Variants in UBE3B observed in about 807,000 individuals in gnomAD.
The protein encoded by UBE3B is ubiquitin-protein ligase E3B.
UBE3B carries 80 observed loss-of-function variants against 132.3 expected under a neutral mutation model. The observed-to-expected ratio is 0.60, with a 90% confidence interval of 0.50 to 0.73. The LOEUF is 0.73. UBE3B is among the 30% of genes least tolerant of loss of function. The probability of loss-of-function intolerance (pLI) is 0.00; values close to 1 mark genes in which losing one functional copy is unlikely to be tolerated. For missense variants in UBE3B, 1,196 were observed against 1,362.5 expected, an observed-to-expected ratio of 0.88 and a Z score of 1.92; for synonymous variants, 487 against 520.4, an observed-to-expected ratio of 0.94 and a Z score of 0.87.
chr12:109,547,032 G>A, the UBE3B span, among the ~76,000 whole-genome samples: 1 of 152,162 alleles, frequency 6.6e-6, no homozygotes, highest in Non-Finnish European at 1.5e-5. The surrounding 1 kb of genome is among the most constrained non-coding windows in gnomAD (Gnocchi z 4.1). Context: ...TTTTGAGAGA[G>A]ACAGACACCA....
At chr12:109,499,503 A>C in intron 11 of UBE3B, 130 bp from the exon 12 acceptor site, 1 of 889,080 alleles carries the variant, frequency 1.1e-6, no homozygotes, top group Non-Finnish European at 1.6e-6. Flanking sequence ...CGGCATTGAC[A>C]GGTGCCCCTT....
chr12:109,484,116 T>G (rs557130006), intron 4 of UBE3B, 135 bp downstream of exon 4: 783 of 969,578 alleles, frequency 8.1e-4, no homozygotes, highest in Non-Finnish European at 7.4e-4. Flanking sequence ...TTTTGTTTTC[T>G]TGGGACCTGT....
chr12:109,537,585 T>C (rs1303831767), downstream of UBE3B, among the ~76,000 whole-genome samples: 2 of 152,150 alleles, frequency 1.3e-5, no homozygotes, highest in Admixed American at 1.3e-4. Flanking sequence ...ACAAGGAGCG[T>C]TCATGTAACT....
At chr12:109,513,561 T>G (rs1880624721) in intron 18 of UBE3B, among the ~76,000 whole-genome samples, 1 of 152,214 alleles carries the variant, frequency 6.6e-6, no homozygotes. Flanking sequence ...TGCTAGGGAT[T>G]TCTTTTGGCC....
downstream of UBE3B, among the ~76,000 whole-genome samples, chr12:109,539,055 G>C (rs1034475049): frequency 5.9e-5 from 9 of 152,192 alleles, no homozygotes; most frequent in Admixed American, 5.9e-4. Flanking sequence ...GGCCAATACG[G>C]TGAAACCCTG....
chr12:109,517,102 C>T (rs1299840547), intron 19 of UBE3B, among the ~76,000 whole-genome samples: 4 of 152,286 alleles, frequency 2.6e-5, no homozygotes, highest in South Asian at 2.1e-4. Context: ...CAGTGTCTTC[C>T]TTTACCCCAT....
intron 2 of UBE3B, among the ~76,000 whole-genome samples, chr12:109,482,119 AAC>A (rs1177139063): frequency 1.3e-5 from 2 of 152,204 alleles, no homozygotes; most frequent in East Asian, 1.9e-4. Context: ...GCCTTTCAAT[AAC>A]ACGTAATTAA....
chr12:109,530,843 C>T (rs184768545), intron 26 of UBE3B, among the ~76,000 whole-genome samples, 185 bp downstream of exon 26: 122 of 152,332 alleles, frequency 8.0e-4, no homozygotes, highest in Middle Eastern at 3.4e-3. Flanking sequence ...TTGAGGGGCA[C>T]GGCCGAGCCT....
At chr12:109,503,662 A>G (rs1879287353) in intron 14 of UBE3B, among the ~76,000 whole-genome samples, 1 of 152,196 alleles carries the variant, frequency 6.6e-6, no homozygotes, top group Admixed American at 6.5e-5. Flanking sequence ...CCTTATCTTT[A>G]TTGGCTACAT....
intron 4 of UBE3B, among the ~76,000 whole-genome samples, chr12:109,485,656 G>A (rs1184848229): frequency 1.3e-5 from 2 of 152,210 alleles, no homozygotes; most frequent in African/African-American, 2.4e-5. Flanking sequence ...TTAAGAAAAG[G>A]TAAACTGGAG....
chr12:109,543,405 T>C, the UBE3B span, among the ~76,000 whole-genome samples: 12 of 152,128 alleles, frequency 7.9e-5, no homozygotes, highest in Non-Finnish European at 1.8e-4. Flanking sequence ...AGGACTCGGC[T>C]GAGGCCCTAA....
In UBE3B at chr12:109,532,296, T is replaced by C. The variant is rs141122285; in HGVS notation, c.2923-1170T>C. Among the ~76,000 whole-genome samples, 810 of 152,320 alleles carry C rather than the reference T, an allele frequency of 5.3e-3. 4 individuals carry two copies. Among genetic ancestry groups the C allele is most frequent in the African/African-American group, 0.018 (749 of 41,562 alleles). ...TGCATTCAGGGAATGCTCGTCACAG[T>C]GTGGAAACACAAAAATGCTTCCTGC... On this transcript the variant is annotated intron_variant, in intron 26 of 27. Coordinates refer to ENST00000342494, the MANE Select transcript of UBE3B (RefSeq NM_130466.4).
Position 109,486,577 on chromosome 12 carries a change from TAACAA to T in UBE3B, c.447+5_447+9del. The T allele has an allele frequency of 1.2e-4, 77 of 656,558 alleles. No individual in the cohort carries two copies. Among genetic ancestry groups the T allele is most frequent in the Middle Eastern group, 5.3e-4 (1 of 1,900 alleles). The allele number at this position is 656,558 out of a possible 1,614,324, so 40.7% of individuals were successfully genotyped here. The stretch of plus-strand genomic sequence containing the variant: ...TGTGATTTTCTCAAGCAGCTCAAGG[TAACAA>T]AAAAAAAAAAAAAAAAAAAAAGCAA... On this transcript the variant is annotated splice_donor_5th_base_variant and intron_variant, in intron 6 of 27. Coordinates refer to ENST00000342494, the MANE Select transcript of UBE3B (RefSeq NM_130466.4).
chr12:109,488,768 A>G, intron 7 of UBE3B, 100 bp downstream of exon 7: 2 of 1,099,374 alleles, frequency 1.8e-6, no homozygotes, highest in South Asian at 2.6e-5. Context: ...CACAAGCCTC[A>G]GGGAAGGCCC....
intron 24 of UBE3B, 49 bp downstream of exon 24, chr12:109,526,465 T>C: frequency 6.4e-7 from 1 of 1,566,206 alleles, no homozygotes; most frequent in Non-Finnish European, 8.8e-7. Context: ...AAAGACTTCA[T>C]TCTGGCTCTC....
At chr12:109,490,589 C>T (rs1323943636) in intron 8 of UBE3B, 12 of 1,535,874 alleles carry the variant, frequency 7.8e-6, no homozygotes, top group Non-Finnish European at 9.6e-6. Flanking sequence ...GCAGTTGTCT[C>T]GCTAGAGGAA....
intron 24 of UBE3B, among the ~76,000 whole-genome samples, chr12:109,529,001 A>G (rs983050534): frequency 6.6e-6 from 1 of 152,098 alleles, no homozygotes; most frequent in Admixed American, 6.5e-5. Context: ...TCTACTAGAA[A>G]TACAAAAAAA....
rs770918711 is a variant in UBE3B at position 109,483,994 on chromosome 12, T to C, written c.282+13T>C. The C allele has an allele frequency of 6.2e-7, 1 of 1,604,464 alleles. No homozygotes were observed. The highest frequency in any genetic ancestry group is 8.5e-7 in the Non-Finnish European group (1 of 1,175,284). Reference sequence around the variant, plus strand: ...AGAGGATAATGAGGTAAAACGATAATAGCAAACATGTATAATACTTCCATA... The same window carrying C: ...AGAGGATAATGAGGTAAAACGATAACAGCAAACATGTATAATACTTCCATA... On this transcript the variant is annotated intron_variant, in intron 4 of 27. Coordinates refer to ENST00000342494, the MANE Select transcript of UBE3B (RefSeq NM_130466.4).
At position 109,534,421 on chromosome 12, in the gene UBE3B, G is replaced by A. The variant is rs1276262292; in HGVS notation, c.3016-170G>A. 13 of 1,419,166 alleles carry A rather than the reference G, an allele frequency of 9.2e-6. 1 individual carries two copies. Among genetic ancestry groups the A allele is most frequent in the East Asian group, 8.0e-5 (3 of 37,610 alleles). The allele number at this position is 1,419,166 out of a possible 1,614,324, so 87.9% of individuals were successfully genotyped here. A position where few individuals can be genotyped will look rare whatever the true frequency, so the allele number is the denominator to read the frequency against. On this transcript the variant is annotated intron_variant, in intron 27 of 27. Transcript: ENST00000342494. This position sits in a 1 kb window ranked among gnomAD's most constrained non-coding sequence, Gnocchi z 5.2. The stretch of plus-strand genomic sequence containing the variant: ...GGGGTTCCTTCTCTGGAAGCCAGTC[G>A]TCTTGTGTCTGGGGCTTGACCTCGG...
Sources: gnomAD v4.1 joint callset for allele counts (sites outside exome capture counted in the v4.1 genomes callset) on GRCh38, gnomAD v4.1.1 for gene constraint, Gnocchi (gnomAD v3.1) non-coding constraint, MANE v1.5 for transcripts, NCBI Gene and HGNC (gene_info 2026-07-23, HGNC 2026-07-21) for gene names.